Variants in FOXP2 observed in about 807,000 individuals in gnomAD.
FOXP2 encodes forkhead box protein P2.
A neutral mutation model predicts 115.8 loss-of-function variants in FOXP2; 12 were observed. That is an observed-to-expected ratio of 0.10 (90% confidence interval 0.07 to 0.17). The LOEUF is 0.17. FOXP2 is among the 10% of genes least tolerant of loss of function. The probability of loss-of-function intolerance (pLI) is 1.00; values close to 1 mark genes in which losing one functional copy is unlikely to be tolerated. For missense variants in FOXP2, 629 were observed against 843.5 expected, an observed-to-expected ratio of 0.75 and a Z score of 3.15; for synonymous variants, 328 against 297.7, an observed-to-expected ratio of 1.10 and a Z score of -1.05.
rs1808657630 is a variant in FOXP2, at chr7:114,691,319, A to G, written c.*1393A>G. On this transcript the variant is annotated 3_prime_UTR_variant, in exon 17 of 17. Coordinates refer to ENST00000350908, the MANE Select transcript of FOXP2 (RefSeq NM_014491.4). ...CATAAAAGGTCTAGTAAAGCCAAAA[A>G]TTAATTTCATATTGATTTTAAAGTG... The G allele has an allele frequency of 2.2e-6, 1 of 453,048 alleles. No individual in the cohort carries two copies. Among genetic ancestry groups the G allele is most frequent in the Non-Finnish European group, 4.4e-6 (1 of 226,478 alleles). 28.1% of individuals were successfully genotyped at this position (453,048 alleles called of 1,614,324 possible).
At chr7:114,511,925 AC>A (rs1194266903) in intron 2 of FOXP2, among the ~76,000 whole-genome samples, 1 of 152,166 alleles carries the variant, frequency 6.6e-6, no homozygotes, top group Non-Finnish European at 1.5e-5. Flanking sequence ...GGCTTAAAAT[AC>A]TAGTTTCTAT....
intron 3 of FOXP2, among the ~76,000 whole-genome samples, chr7:114,590,292 C>T (rs1254941457): frequency 4.6e-5 from 7 of 152,124 alleles, no homozygotes; most frequent in African/African-American, 1.7e-4. Context: ...ATTCTGCCTA[C>T]AAGTGAGGCT....
At chr7:114,091,634 A>G (rs561800781) in intron 1 of FOXP2, among the ~76,000 whole-genome samples, 1 of 151,980 alleles carries the variant, frequency 6.6e-6, no homozygotes, top group Admixed American at 6.5e-5. Flanking sequence ...AATACATTAT[A>G]TTTTAATGAT....
chr7:114,301,431 C>G (rs558145985), intron 2 of FOXP2, among the ~76,000 whole-genome samples: 69 of 152,224 alleles, frequency 4.5e-4, no homozygotes, highest in African/African-American at 1.6e-3. Context: ...CTCCTGTCCA[C>G]ACGTTAACAG....
chr7:114,542,381 G>T (rs567642254), intron 3 of FOXP2, among the ~76,000 whole-genome samples: 5 of 152,100 alleles, frequency 3.3e-5, no homozygotes, highest in African/African-American at 1.2e-4. Flanking sequence ...TTTAATTCTT[G>T]TCTTACACCA....
chr7:114,359,246 G>A (rs1408926588), intron 2 of FOXP2, among the ~76,000 whole-genome samples: 5 of 152,212 alleles, frequency 3.3e-5, no homozygotes, highest in Admixed American at 6.5e-5. Flanking sequence ...GCCTGCAAGT[G>A]CACAGAAGTT....
Position 114,414,857 on chromosome 7 carries a change from G to T in FOXP2, c.-514G>T, listed in dbSNP as rs1793261774. ...CCGAGGACTTGAGAGACTCAAACTG[G>T]TGCTTTTGTCTCTCTCTCTCTGTCT... On this transcript the variant is annotated 5_prime_UTR_variant, in exon 1 of 17. Transcript: ENST00000350908. 2.9e-6 allele frequency: 1 copy of T among 340,534 alleles called. No homozygotes were observed. Among genetic ancestry groups the T allele is most frequent in the Non-Finnish European group, 5.8e-6 (1 of 172,894 alleles). The allele number at this position is 340,534 out of a possible 1,614,324, so 21.1% of individuals were successfully genotyped here. A position where few individuals can be genotyped will look rare whatever the true frequency, so the allele number is the denominator to read the frequency against.
At chr7:114,488,738 TAGG>T (rs1231994764) in intron 2 of FOXP2, among the ~76,000 whole-genome samples, 1 of 152,162 alleles carries the variant, frequency 6.6e-6, no homozygotes, top group East Asian at 1.9e-4. Flanking sequence ...TAAAGAAATT[TAGG>T]AGGACACATT....
At chr7:114,270,782 G>A (rs1796015235) in intron 1 of FOXP2, among the ~76,000 whole-genome samples, 1 of 151,956 alleles carries the variant, frequency 6.6e-6, no homozygotes, top group African/African-American at 2.4e-5. Flanking sequence ...CTTTTGTCTT[G>A]ACAGTGTTTT....
intron 2 of FOXP2, among the ~76,000 whole-genome samples, chr7:114,381,484 T>C (rs2129191849): frequency 6.6e-6 from 1 of 152,300 alleles, no homozygotes; most frequent in South Asian, 2.1e-4. Flanking sequence ...CCTTGAACCC[T>C]TGGGGTAAAA....
chr7:114,682,216 T>G (rs959626287), intron 16 of FOXP2, among the ~76,000 whole-genome samples: 21 of 152,162 alleles, frequency 1.4e-4, no homozygotes, highest in Admixed American at 3.3e-4. Flanking sequence ...CAAACCCAAG[T>G]ATTTTATCCT....
chr7:114,216,143 C>T (rs147020454), intron 1 of FOXP2, among the ~76,000 whole-genome samples: 30 of 152,244 alleles, frequency 2.0e-4, no homozygotes, highest in East Asian at 1.5e-3. Flanking sequence ...CCCAGTCAGA[C>T]GATTCTCTGC....
intron 1 of FOXP2, among the ~76,000 whole-genome samples, chr7:114,245,989 A>C (rs1054157855): frequency 1.2e-4 from 19 of 152,166 alleles, no homozygotes; most frequent in African/African-American, 4.6e-4. Context: ...GTTCTCTGAC[A>C]TTAGAAGGTG....
At chr7:114,506,350 TC>T (rs1350220696) in intron 2 of FOXP2, among the ~76,000 whole-genome samples, 3 of 151,660 alleles carry the variant, frequency 2.0e-5, no homozygotes, top group African/African-American at 7.2e-5. Context: ...TTCTTGCAAC[TC>T]CAAAATGTCT....
chr7:114,490,233 A>G (rs1444894207), intron 2 of FOXP2, among the ~76,000 whole-genome samples: 3 of 152,188 alleles, frequency 2.0e-5, no homozygotes, highest in Non-Finnish European at 2.9e-5. Flanking sequence ...GTTATTCAGC[A>G]TTAAAATGAA....
chr7:114,253,947 T>C (rs1230471245), intron 1 of FOXP2, among the ~76,000 whole-genome samples: 6 of 152,214 alleles, frequency 3.9e-5, no homozygotes, highest in Non-Finnish European at 8.8e-5. Flanking sequence ...TTCTTTTCCA[T>C]GTTTAGTGCT....
intron 1 of FOXP2, among the ~76,000 whole-genome samples, chr7:114,101,738 T>C (rs1334881511): frequency 6.6e-6 from 1 of 152,142 alleles, no homozygotes; most frequent in Non-Finnish European, 1.5e-5. Context: ...TCTTCCAAGG[T>C]TATCAGCTGT....
chr7:114,087,375 G>A (rs1799440813), upstream of FOXP2, among the ~76,000 whole-genome samples: 1 of 152,088 alleles, frequency 6.6e-6, no homozygotes, highest in Non-Finnish European at 1.5e-5. Flanking sequence ...GGCTTCCCCC[G>A]GTGTCTGGCC....
At position 114,178,216 on chromosome 7, in the gene FOXP2, A is replaced by G. The variant is rs148904264; in HGVS notation, c.-102+15128A>G. On this transcript the variant is annotated intron_variant, in intron 1 of 17. Coordinates refer to the FOXP2 transcript ENST00000634411. ...TATTATTTTCTCTGTTGCATTATTCATTATGATGTTGCCATGAAATGCACA... is the reference window on the plus strand; with the variant it reads ...TATTATTTTCTCTGTTGCATTATTCGTTATGATGTTGCCATGAAATGCACA... Among the ~76,000 whole-genome samples, 1,055 of 152,070 alleles carry G rather than the reference A, an allele frequency of 6.9e-3. 12 individuals are homozygous for G. Among genetic ancestry groups the G allele is most frequent in the African/African-American group, 0.024 (1,006 of 41,566 alleles).
Sources: gnomAD v4.1 joint callset for allele counts (sites outside exome capture counted in the v4.1 genomes callset) on GRCh38, gnomAD v4.1.1 for gene constraint, MANE v1.5 for transcripts, NCBI Gene and HGNC (gene_info 2026-07-23, HGNC 2026-07-21) for gene names.